Variants in RTN4RL1 observed in about 807,000 individuals in gnomAD.
RTN4RL1 encodes the protein reticulon-4 receptor-like 1.
In RTN4RL1, 7 loss-of-function variants were observed where a neutral mutation model predicts 25.6. The observed-to-expected ratio is 0.27, with a 90% confidence interval of 0.16 to 0.51. The LOEUF is 0.51. RTN4RL1 is among the 20% of genes least tolerant of loss of function. The pLI is 0.97. For synonymous variants in RTN4RL1, 297 were observed against 288.2 expected, an observed-to-expected ratio of 1.03 and a Z score of -0.31; for missense variants, 500 against 615.6, an observed-to-expected ratio of 0.81 and a Z score of 1.99.
chr17:1,965,629 G>A (rs1172055333), intron 1 of RTN4RL1, among the ~76,000 whole-genome samples: 2 of 152,026 alleles, frequency 1.3e-5, no homozygotes, highest in South Asian at 2.1e-4. Context: ...CAGGAGCCCC[G>A]AATGGGTCTG....
chr17:2,025,046 C>T lies in RTN4RL1; in HGVS notation c.-181G>A. The T allele has an allele frequency of 2.0e-6, 1 of 501,962 alleles. No individual in the cohort carries two copies. Among genetic ancestry groups the T allele is most frequent in the Non-Finnish European group, 3.3e-6 (1 of 301,456 alleles). The allele number at this position is 501,962 out of a possible 1,614,324, so 31.1% of individuals were successfully genotyped here. On this transcript the variant is annotated 5_prime_UTR_variant, in exon 1 of 2. Transcript: ENST00000331238. The surrounding 1 kb of genome is among the most constrained non-coding windows in gnomAD (Gnocchi z 4.8). The stretch of plus-strand genomic sequence containing the variant: ...GGCATGGTGAGCTCCAGCCCCGCGC[C>T]GAGGGCACCGGCGCCCGCAAGCAAC...
At chr17:1,952,784 A>G (rs1008389897) in intron 1 of RTN4RL1, among the ~76,000 whole-genome samples, 1 of 151,422 alleles carries the variant, frequency 6.6e-6, no homozygotes, top group African/African-American at 2.4e-5. Flanking sequence ...GTCTTTGTCT[A>G]CTTCACTGTC....
intron 1 of RTN4RL1, among the ~76,000 whole-genome samples, chr17:1,948,048 C>T (rs1915594210): frequency 6.6e-6 from 1 of 152,190 alleles, no homozygotes; most frequent in Non-Finnish European, 1.5e-5. Context: ...CCCCAGTGGA[C>T]CCTGGACCCT....
intron 1 of RTN4RL1, among the ~76,000 whole-genome samples, chr17:1,962,863 GA>G (rs367639702): frequency 0.96 from 110,020 of 114,830 alleles, 52,701 homozygotes; most frequent in East Asian, 0.98. Flanking sequence ...CTCGATCTCA[GA>G]AAAAAAAAAA....
In RTN4RL1 at chr17:1,936,148, G is replaced by T; in HGVS notation, c.*348C>A. The T allele has an allele frequency of 9.1e-7, 1 of 1,102,142 alleles. No individual in the cohort carries two copies. The highest frequency in any genetic ancestry group is 6.1e-5 in the East Asian group (1 of 16,340). 68.3% of individuals were successfully genotyped at this position (1,102,142 alleles called of 1,614,324 possible). ...CCTCCAGACCTCTCGGAACGATCGG[G>T]ATTCCACAGAGCCCCGGTGCCGCCG... On this transcript the variant is annotated 3_prime_UTR_variant, in exon 2 of 2. Coordinates refer to ENST00000331238, the MANE Select transcript of RTN4RL1 (RefSeq NM_178568.4).
At chr17:1,989,296 G>A (rs368307604) in intron 1 of RTN4RL1, among the ~76,000 whole-genome samples, 20 of 152,080 alleles carry the variant, frequency 1.3e-4, no homozygotes, top group South Asian at 2.1e-4. Flanking sequence ...ATCCTGCACC[G>A]CCCTAGATTT....
chr17:1,955,461 C>T (rs1915771790), intron 1 of RTN4RL1, among the ~76,000 whole-genome samples: 1 of 151,606 alleles, frequency 6.6e-6, no homozygotes. Flanking sequence ...GAGGCTGAGG[C>T]GGGAGGATCA....
At chr17:1,944,351 G>A (rs1042217283) in intron 1 of RTN4RL1, among the ~76,000 whole-genome samples, 2 of 152,146 alleles carry the variant, frequency 1.3e-5, no homozygotes, top group African/African-American at 2.4e-5. Flanking sequence ...TCTGTCACAC[G>A]AAAGCCTCCC....
At chr17:1,966,738 C>G (rs763127723) in intron 1 of RTN4RL1, among the ~76,000 whole-genome samples, 3 of 152,142 alleles carry the variant, frequency 2.0e-5, no homozygotes, top group Non-Finnish European at 4.4e-5. Flanking sequence ...TGCTTCTCTC[C>G]AGAACCGGTT....
chr17:2,003,099 G>T (rs926118500), intron 1 of RTN4RL1: 8 of 152,320 alleles, frequency 5.3e-5, no homozygotes, highest in African/African-American at 1.9e-4. Context: ...AGGCTTCTGA[G>T]GGCTTCACCA....
At chr17:2,017,437 C>T (rs991367072) in intron 1 of RTN4RL1, among the ~76,000 whole-genome samples, 1 of 152,230 alleles carries the variant, frequency 6.6e-6, no homozygotes, top group Non-Finnish European at 1.5e-5. Flanking sequence ...GAGCCACACA[C>T]CCACTCAGCA....
chr17:1,972,855 A>G (rs2066826478), intron 1 of RTN4RL1, among the ~76,000 whole-genome samples: 1 of 152,226 alleles, frequency 6.6e-6, no homozygotes, highest in African/African-American at 2.4e-5. Context: ...AGACTAAATG[A>G]ACCTCCAGAG....
At chr17:2,000,028 A>G (rs1770160903) in intron 1 of RTN4RL1, among the ~76,000 whole-genome samples, 1 of 152,244 alleles carries the variant, frequency 6.6e-6, no homozygotes, top group Non-Finnish European at 1.5e-5. Flanking sequence ...CAGGCCGGCC[A>G]TCTGCAGCCA....
intron 1 of RTN4RL1, among the ~76,000 whole-genome samples, chr17:1,977,956 G>T (rs557529898): frequency 6.8e-6 from 1 of 147,812 alleles, no homozygotes; most frequent in Admixed American, 6.7e-5. Flanking sequence ...CCTGGATCCT[G>T]CATCCTGCAC....
rs576693056 is a variant in RTN4RL1, at chr17:1,935,514, C to T, written c.*982G>A. ...TCACCGTCCCGCCGACACCTTGCCC[C>T]AGGCCCTTGGCAAGGCCAGGTCCCT... On this transcript the variant is annotated 3_prime_UTR_variant, in exon 2 of 2. Coordinates refer to ENST00000331238, the MANE Select transcript of RTN4RL1 (RefSeq NM_178568.4). The T allele has an allele frequency of 1.4e-3, 1,333 of 984,986 alleles. 1 individual carries two copies. Among genetic ancestry groups the T allele is most frequent in the Non-Finnish European group, 1.5e-3 (1,272 of 829,266 alleles). 61.0% of individuals were successfully genotyped at this position (984,986 alleles called of 1,614,324 possible). A position where few individuals can be genotyped will look rare whatever the true frequency, so the allele number is the denominator to read the frequency against.
chr17:1,956,727 C>G (rs1256452446), intron 1 of RTN4RL1, among the ~76,000 whole-genome samples: 1 of 148,336 alleles, frequency 6.7e-6, no homozygotes, highest in Non-Finnish European at 1.5e-5. Flanking sequence ...TCACTGCATA[C>G]CTGTCGGGAA....
intron 1 of RTN4RL1, among the ~76,000 whole-genome samples, chr17:2,022,758 G>A (rs1792764495): frequency 6.6e-6 from 1 of 152,248 alleles, no homozygotes; most frequent in African/African-American, 2.4e-5. Flanking sequence ...GGGCTTCTCT[G>A]CTCTGCTTCC....
chr17:1,947,725 GGGTCTCC>G (rs1470966751), intron 1 of RTN4RL1, among the ~76,000 whole-genome samples: 1 of 152,206 alleles, frequency 6.6e-6, no homozygotes, highest in Non-Finnish European at 1.5e-5. Flanking sequence ...TCTGCCCATC[GGGTCTCC>G]GGTCTCCTTG....
Position 1,988,561 on chromosome 17 carries a change from T to C in RTN4RL1, c.13+36292A>G, listed in dbSNP as rs112460567. ...AAAGAAAGAATTAAGTCCTCAATGA[T>C]GGAACATCCCTCCCCTCTCCAGAGG... On this transcript the variant is annotated intron_variant, in intron 1 of 1. Transcript: ENST00000331238. 9.5e-3 allele frequency among the ~76,000 whole-genome samples: 1,419 copies of C among 148,906 alleles called. 20 individuals are homozygous for C. The highest frequency in any genetic ancestry group is 0.033 in the African/African-American group (1,339 of 40,310).
Sources: gnomAD v4.1 joint callset for allele counts (sites outside exome capture counted in the v4.1 genomes callset) on GRCh38, gnomAD v4.1.1 for gene constraint, Gnocchi (gnomAD v3.1) non-coding constraint, MANE v1.5 for transcripts, NCBI Gene and HGNC (gene_info 2026-07-23, HGNC 2026-07-21) for gene names.